HOOK1: variants seen among roughly 807,000 people sequenced by gnomAD.
HOOK1 encodes hook microtubule tethering protein 1, also known as protein Hook homolog 1.
Under a neutral mutation model 112.8 loss-of-function variants are expected in HOOK1, and 60 were observed. The observed-to-expected ratio is 0.53, with a 90% CI of 0.43 to 0.66. The LOEUF (loss-of-function observed/expected upper bound fraction) is 0.66, where lower values mean the gene tolerates loss of function less well. Ranked by LOEUF, HOOK1 falls within the 30% of genes least tolerant of loss-of-function variation. The pLI is 0.00. For missense variants in HOOK1, 770 were observed against 856.0 expected (o/e 0.90, Z 1.25); for synonymous variants, 294 against 283.8 (o/e 1.04, Z -0.36).
chr1:59,871,846 C>T (rs910512162), intron 21 of HOOK1, among the ~76,000 whole-genome samples: 3 of 152,188 alleles, frequency 2.0e-5, no homozygotes, highest in African/African-American at 7.2e-5. Flanking sequence ...AAACATGGCT[C>T]ATGCTTTCAT....
At position 59,840,291 on chromosome 1, in the gene HOOK1, G is replaced by A; in HGVS notation, c.538-17G>A. The A allele has an allele frequency of 6.5e-7, 1 of 1,537,740 alleles. No homozygotes were observed. Among genetic ancestry groups the A allele is most frequent in the Non-Finnish European group, 8.7e-7 (1 of 1,143,186 alleles). On this transcript the variant is annotated splice_polypyrimidine_tract_variant and intron_variant, in intron 7 of 21. Transcript: ENST00000371208. ...CAAAACACGATTTACTAAGATTTAG[G>A]ACATTTTGTATTTCAGCTTAAAAGA...
intron 3 of HOOK1, among the ~76,000 whole-genome samples, 162 bp from the exon 4 acceptor site, chr1:59,832,001 C>G (rs1450074678): frequency 2.0e-5 from 3 of 152,092 alleles, no homozygotes; most frequent in Non-Finnish European, 4.4e-5. Flanking sequence ...GATTAAATCT[C>G]TGATGGTTAA....
intron 12 of HOOK1, among the ~76,000 whole-genome samples, chr1:59,852,538 T>G (rs1239759393): frequency 6.6e-6 from 1 of 151,500 alleles, no homozygotes; most frequent in Non-Finnish European, 1.5e-5. Context: ...TCTCTGTTTT[T>G]TTTTTTTCTT....
Position 59,833,437 on chromosome 1 carries a change from C to A in HOOK1, c.306C>A (p.Ile102=). The A allele has an allele frequency of 6.4e-7, 1 of 1,563,702 alleles. No homozygotes were observed. Among genetic ancestry groups the A allele is most frequent in the Non-Finnish European group, 8.7e-7 (1 of 1,148,238 alleles). The change falls in exon 5 of 22, where the codon ATC becomes ATA. Residue 102 remains isoleucine, a synonymous_variant. Coordinates refer to ENST00000371208, the MANE Select transcript of HOOK1 (RefSeq NM_015888.6). The part of the protein sequence containing the change: ...FLGQQISEAL[I]PDLNQITECS... ...GGCAGCAGATTTCAGAAGCACTTAT[C>A]CCTGATTTAAACCAAATAACCGAAT...
chr1:59,867,250 A>G (rs1643981691), intron 19 of HOOK1, among the ~76,000 whole-genome samples: 1 of 152,216 alleles, frequency 6.6e-6, no homozygotes, highest in African/African-American at 2.4e-5. Context: ...ATAATAAACT[A>G]TGATTTGCTC....
At chr1:59,853,798 A>C (rs989044001) in intron 12 of HOOK1, among the ~76,000 whole-genome samples, 1 of 151,514 alleles carries the variant, frequency 6.6e-6, no homozygotes, top group South Asian at 2.1e-4. Flanking sequence ...CCTTGAAACA[A>C]TCCATTTAGA....
chr1:59,855,962 ATT>A (rs1559057996), intron 12 of HOOK1, among the ~76,000 whole-genome samples: 53 of 82,542 alleles, frequency 6.4e-4, no homozygotes, highest in African/African-American at 2.7e-3. Context: ...ATATATATAA[ATT>A]ATTATATATA....
intron 2 of HOOK1, among the ~76,000 whole-genome samples, chr1:59,826,908 A>G (rs2098390366): frequency 6.6e-6 from 1 of 152,118 alleles, no homozygotes; most frequent in African/African-American, 2.4e-5. Context: ...GATTACAGGC[A>G]TGTGCCACCA....
chr1:59,861,135 T>G (rs546040984), intron 15 of HOOK1, among the ~76,000 whole-genome samples: 141 of 152,282 alleles, frequency 9.3e-4, no homozygotes, highest in Middle Eastern at 3.4e-3. Flanking sequence ...GGTCTCGAAC[T>G]CCTGACCTCA....
At chr1:59,853,928 A>G (rs932406497) in intron 12 of HOOK1, among the ~76,000 whole-genome samples, 4 of 140,950 alleles carry the variant, frequency 2.8e-5, no homozygotes, top group African/African-American at 1.1e-4. Flanking sequence ...ATACTGTTTT[A>G]TAATTAATGC....
At chr1:59,833,832 T>TATTC (rs2098395747) in intron 5 of HOOK1, among the ~76,000 whole-genome samples, 1 of 152,202 alleles carries the variant, frequency 6.6e-6, no homozygotes, top group Non-Finnish European at 1.5e-5. Context: ...AAATTGTACT[T>TATTC]ATTCATTTGA....
chr1:59,835,255 A>G, intron 5 of HOOK1, 90 bp from the exon 6 acceptor site: 1 of 741,386 alleles, frequency 1.3e-6, no homozygotes, highest in Non-Finnish European at 2.4e-6. Flanking sequence ...ATCTGTGGGT[A>G]GATGAATTTT....
At chr1:59,856,070 T>G (rs925904311) in intron 12 of HOOK1, among the ~76,000 whole-genome samples, 67 of 130,778 alleles carry the variant, frequency 5.1e-4, no homozygotes, top group Middle Eastern at 8.8e-3. Flanking sequence ...TCTGCCCACC[T>G]CAGCCTCCCA....
At position 59,849,030 on chromosome 1, in the gene HOOK1, A is replaced by T. The variant is rs115289900; in HGVS notation, c.1132-43A>T. 3.3e-4 allele frequency: 395 copies of T among 1,201,068 alleles called. 3 individuals carry two copies. The African/African-American group carries it at 4.9e-3, about 15-fold the overall frequency. The allele number at this position is 1,201,068 out of a possible 1,614,324, so 74.4% of individuals were successfully genotyped here. On this transcript the variant is annotated intron_variant, in intron 11 of 21. Coordinates refer to ENST00000371208, the MANE Select transcript of HOOK1 (RefSeq NM_015888.6). ...AAAGACTATTGAGATTTATACACTTATATACTTTTAAGGACCTTTTTTCCT... is the reference window on the plus strand; with the variant it reads ...AAAGACTATTGAGATTTATACACTTTTATACTTTTAAGGACCTTTTTTCCT...
chr1:59,819,442 A>G (rs629636), intron 1 of HOOK1, among the ~76,000 whole-genome samples: 137,063 of 152,208 alleles, frequency 0.9, 61,858 homozygotes, highest in East Asian at 1. Flanking sequence ...GAGCCACTGC[A>G]CCCAGCCTCC....
In HOOK1 at chr1:59,842,676, A is replaced by G. The variant is rs147796336; in HGVS notation, c.622-756A>G. 7.2e-5 allele frequency among the ~76,000 whole-genome samples: 11 copies of G among 152,278 alleles called. No homozygotes were observed. The East Asian group carries it at 9.6e-4, about 13-fold the overall frequency. On this transcript the variant is annotated intron_variant, in intron 8 of 21. Coordinates refer to ENST00000371208, the MANE Select transcript of HOOK1 (RefSeq NM_015888.6). ...ACTGGAAATCAGAATAGGTTAATCAATGGTTTTTCAAACTAATTCTTAATC... is the reference window on the plus strand; with the variant it reads ...ACTGGAAATCAGAATAGGTTAATCAGTGGTTTTTCAAACTAATTCTTAATC...
chr1:59,854,023 TATATATATATATA>T (rs2098408818), intron 12 of HOOK1, among the ~76,000 whole-genome samples: 1 of 26,746 alleles, frequency 3.7e-5, no homozygotes. Context: ...TATATATATA[TATATATATATATA>T]TATTTTTTTT....
intron 12 of HOOK1, among the ~76,000 whole-genome samples, chr1:59,855,967 TATATATATATATATATA>T (rs1372270570): frequency 1.9e-3 from 121 of 62,264 alleles, no homozygotes; most frequent in Non-Finnish European, 2.8e-3. Context: ...TATAAATTAT[TATATATATATATATATA>T]TTTTTTTTTT....
chr1:59,860,123 T>C, intron 14 of HOOK1, 65 bp from the exon 15 acceptor site: 1 of 1,319,578 alleles, frequency 7.6e-7, no homozygotes, highest in Non-Finnish European at 1.0e-6. Flanking sequence ...TTTCCTTTTT[T>C]TAACTAAAGA....
Sources: gnomAD v4.1 joint callset for allele counts (sites outside exome capture counted in the v4.1 genomes callset) on GRCh38, gnomAD v4.1.1 for gene constraint, MANE v1.5 for transcripts, NCBI Gene and HGNC (gene_info 2026-07-23, HGNC 2026-07-21) for gene names.